The following BCAS1 variants were observed in gnomAD, a reference collection of about 807,000 sequenced individuals.
BCAS1 encodes brain enriched myelin associated protein 1, also known as breast carcinoma-amplified sequence 1.
Under a neutral mutation model 65.4 loss-of-function variants are expected in BCAS1, and 46 were observed. The observed-to-expected ratio is 0.70, with a 90% CI of 0.55 to 0.90. The LOEUF is 0.90. Among genes scored for constraint, BCAS1 ranks in the 40% least tolerant of loss-of-function variants. BCAS1 has a pLI of 0.00. For missense variants in BCAS1, 793 were observed against 771.2 expected (o/e 1.03, Z -0.33); for synonymous variants, 298 against 293.5 (o/e 1.02, Z -0.16).
intron 3 of BCAS1, among the ~76,000 whole-genome samples, chr20:54,032,664 G>A (rs1269348109): frequency 1.3e-5 from 2 of 151,078 alleles, no homozygotes; most frequent in East Asian, 1.9e-4. Context: ...AATAAAACAG[G>A]GGTTGCAATC....
intron 9 of BCAS1, among the ~76,000 whole-genome samples, chr20:53,971,493 C>T (rs73137798): frequency 0.032 from 4,870 of 152,264 alleles, 106 homozygotes; most frequent in Middle Eastern, 0.095. Flanking sequence ...CAAAAGCTGA[C>T]GAATACAGCA....
intron 4 of BCAS1, among the ~76,000 whole-genome samples, chr20:54,013,669 A>G (rs2091370158): frequency 6.6e-6 from 1 of 152,226 alleles, no homozygotes; most frequent in Admixed American, 6.5e-5. Flanking sequence ...GTTAATAGCG[A>G]AAGTCTGGAA....
chr20:54,021,619 C>G (rs971751972), intron 4 of BCAS1, among the ~76,000 whole-genome samples: 3 of 151,672 alleles, frequency 2.0e-5, no homozygotes, highest in Non-Finnish European at 4.4e-5. Flanking sequence ...CTTTGGCAAA[C>G]TAACGCAGGA....
chr20:53,970,015 T>C (rs1460508413), intron 9 of BCAS1, among the ~76,000 whole-genome samples: 2 of 152,058 alleles, frequency 1.3e-5, no homozygotes, highest in Non-Finnish European at 2.9e-5. Flanking sequence ...AGTGGAGAAA[T>C]AGAAAATAGC....
rs544322851 is a variant in BCAS1 at position 53,971,229 on chromosome 20, T to C, written c.1318-4156A>G. ...GGGTAGAAATGACATATACCATGCC[T>C]GAGCAGAAGCTTTAGGATCCGTTGC... is the stretch of plus-strand genomic sequence containing the variant. On this transcript the variant is annotated intron_variant, in intron 9 of 12. Transcript: ENST00000688948. Among the ~76,000 whole-genome samples the C allele has an allele frequency of 1.2e-4, 18 of 152,346 alleles. No homozygotes were observed. The South Asian group carries it at 3.3e-3, about 28-fold the overall frequency.
At chr20:54,033,909 C>A (rs952557735) in intron 3 of BCAS1, among the ~76,000 whole-genome samples, 4 of 151,328 alleles carry the variant, frequency 2.6e-5, no homozygotes, top group African/African-American at 9.7e-5. Flanking sequence ...AAAATACTGG[C>A]AAACTGAATC....
At chr20:54,021,870 G>A (rs1300016851) in intron 4 of BCAS1, among the ~76,000 whole-genome samples, 1 of 151,960 alleles carries the variant, frequency 6.6e-6, no homozygotes, top group African/African-American at 2.4e-5. Flanking sequence ...CGTCACCCGG[G>A]CTCCTGCACA....
chr20:54,002,964 C>CA (rs2091094465), intron 4 of BCAS1, among the ~76,000 whole-genome samples: 1 of 152,152 alleles, frequency 6.6e-6, no homozygotes, highest in Non-Finnish European at 1.5e-5. Flanking sequence ...GCGTGTGTCT[C>CA]ATTCACAACA....
Position 53,967,019 on chromosome 20 carries a change from A to C in BCAS1, c.1372T>G (p.Leu458Val). Residue 458 changes from leucine to valine, a missense_variant, in exon 10 of 13, where the codon TTA becomes GTA. Leu to Val is a conservative substitution (Grantham distance 32). Coordinates refer to ENST00000688948, the MANE Select transcript of BCAS1 (RefSeq NM_001366298.2). The stretch of plus-strand genomic sequence containing the variant: ...CCTTCGTTGAGGTCCACTGTTTGTA[A>C]GGCTGATTCTACTTCCTTGGACTTT... ...IIKSKEVESALQTVDLNEGDA... is the reference protein window; with the variant it reads ...IIKSKEVESAVQTVDLNEGDA... The C allele has an allele frequency of 6.2e-7, 1 of 1,613,148 alleles. No individual in the cohort carries two copies. The highest frequency in any genetic ancestry group is 1.1e-5 in the South Asian group (1 of 90,734).
chr20:53,979,428 G>A (rs996533905), intron 8 of BCAS1, among the ~76,000 whole-genome samples: 1 of 152,204 alleles, frequency 6.6e-6, no homozygotes, highest in African/African-American at 2.4e-5. Flanking sequence ...GATGCCTACA[G>A]TGGGTCTTGC....
At chr20:53,974,738 G>A (rs1395477931) in intron 9 of BCAS1, among the ~76,000 whole-genome samples, 1 of 152,110 alleles carries the variant, frequency 6.6e-6, no homozygotes, top group Non-Finnish European at 1.5e-5. Flanking sequence ...AACTCACGAG[G>A]TCAATTTATT....
chr20:53,948,281 A>C (rs1339226051), intron 12 of BCAS1, among the ~76,000 whole-genome samples: 2 of 152,206 alleles, frequency 1.3e-5, no homozygotes, highest in East Asian at 1.9e-4. Context: ...CTAAACAGCA[A>C]ACTCAGATGG....
At position 53,952,623 on chromosome 20, in the gene BCAS1, C is replaced by CT. The variant is rs535027336; in HGVS notation, c.1815+808dup. 9.9e-5 allele frequency among the ~76,000 whole-genome samples: 15 copies of CT among 152,112 alleles called. 1 individual carries two copies. The East Asian group carries it at 1.5e-3, about 16-fold the overall frequency. ...AACCAAAACCTACCTTATGAGTATC[C>CT]TTTTTTTTGTAACAAATAGCCATGT... On this transcript the variant is annotated intron_variant, in intron 12 of 12. Transcript: ENST00000688948.
At position 54,050,686 on chromosome 20, in the gene BCAS1, C is replaced by T. The variant is rs112791335; in HGVS notation, c.142+7399G>A. On this transcript the variant is annotated intron_variant, in intron 3 of 12. Coordinates refer to ENST00000688948, the MANE Select transcript of BCAS1 (RefSeq NM_001366298.2). The stretch of plus-strand genomic sequence containing the variant: ...GCCAACGTGTCATCTCACTTGCCCA[C>T]CTGCCTTCTTTGCCCTGGCCGTCCA... Among the ~76,000 whole-genome samples the T allele has an allele frequency of 9.2e-3, 1,394 of 152,336 alleles. 5 individuals carry two copies. Among genetic ancestry groups the T allele is most frequent in the South Asian group, 0.028 (134 of 4,824 alleles).
Position 54,048,445 on chromosome 20 carries a change from G to A in BCAS1, c.142+9640C>T, listed in dbSNP as rs143230528. Among the ~76,000 whole-genome samples, 828 of 152,186 alleles carry A rather than the reference G, an allele frequency of 5.4e-3. 4 individuals are homozygous for A. The highest frequency in any genetic ancestry group is 0.019 in the African/African-American group (786 of 41,538). On this transcript the variant is annotated intron_variant, in intron 3 of 12. Coordinates refer to ENST00000688948, the MANE Select transcript of BCAS1 (RefSeq NM_001366298.2). ...TGTGATGTAGCTCTGGCCAATAAGA[G>A]GATGCCTACATGGTGGCAGAGGCTT...
intron 3 of BCAS1, among the ~76,000 whole-genome samples, chr20:54,042,503 G>A (rs778661480): frequency 3.3e-5 from 5 of 152,186 alleles, no homozygotes; most frequent in African/African-American, 1.2e-4. Flanking sequence ...CCAACAGCAC[G>A]TACAGTATGT....
intron 3 of BCAS1, among the ~76,000 whole-genome samples, chr20:54,037,502 T>C (rs749791417): frequency 2.0e-5 from 3 of 151,460 alleles, no homozygotes; most frequent in Non-Finnish European, 4.4e-5. Context: ...CTAACATTCA[T>C]TGACTGTTTC....
At position 54,054,223 on chromosome 20, in the gene BCAS1, C is replaced by G. The variant is rs138183240; in HGVS notation, c.142+3862G>C. 3.2e-3 allele frequency among the ~76,000 whole-genome samples: 486 copies of G among 152,226 alleles called. 3 individuals are homozygous for G. The highest frequency in any genetic ancestry group is 0.012 in the African/African-American group (478 of 41,534). On this transcript the variant is annotated intron_variant, in intron 3 of 12. Transcript: ENST00000688948. ...CGTGGGGATTATGGGAGCTACAGTTCAAGATGAGATTTGGGTGGGGACAGA... is the reference window on the plus strand; with the variant it reads ...CGTGGGGATTATGGGAGCTACAGTTGAAGATGAGATTTGGGTGGGGACAGA...
In BCAS1 at chr20:54,000,877, CAT is replaced by C. The variant is rs374634060; in HGVS notation, c.724-4829_724-4828del. ...CTATGTCTCTACTTAACTTTCCAAA[CAT>C]ATGAGACACATTTATGCTAATCCTT... On this transcript the variant is annotated intron_variant, in intron 4 of 12. Coordinates refer to ENST00000688948, the MANE Select transcript of BCAS1 (RefSeq NM_001366298.2). Among the ~76,000 whole-genome samples, 557 of 152,332 alleles carry C rather than the reference CAT, an allele frequency of 3.7e-3. 5 individuals are homozygous for C. The highest frequency in any genetic ancestry group is 0.013 in the African/African-American group (536 of 41,566).
Sources: allele counts gnomAD v4.1 joint callset (sites outside exome capture counted in the v4.1 genomes callset), GRCh38; gene constraint gnomAD v4.1.1; transcripts MANE v1.5; gene names NCBI Gene and HGNC (gene_info 2026-07-23, HGNC 2026-07-21).